LIFR: variants seen among roughly 807,000 people sequenced by gnomAD.
The protein encoded by LIFR is leukemia inhibitory factor receptor.
LIFR carries 84 observed loss-of-function variants against 122.2 expected under a neutral mutation model. The ratio of observed to expected loss-of-function variants is 0.69; its 90% CI spans 0.58 to 0.82. The LOEUF is 0.82. LIFR is among the 40% of genes least tolerant of loss of function. The probability of loss-of-function intolerance (pLI) is 0.00; values close to 1 mark genes in which losing one functional copy is unlikely to be tolerated. For synonymous variants in LIFR, 422 were observed against 434.7 expected (o/e 0.97, Z 0.36); for missense variants, 1,294 against 1,311.6 (o/e 0.99, Z 0.21).
intron 15 of LIFR, among the ~76,000 whole-genome samples, chr5:38,489,787 ATT>A (rs1744473636): frequency 6.7e-6 from 1 of 148,838 alleles, no homozygotes; most frequent in African/African-American, 2.5e-5. Context: ...GAGCCCAGGA[ATT>A]TTGAGACCAG....
intron 1 of LIFR, among the ~76,000 whole-genome samples, chr5:38,584,460 A>G (rs1367843222): frequency 6.6e-6 from 1 of 152,158 alleles, no homozygotes; most frequent in Non-Finnish European, 1.5e-5. Context: ...CAACAAATGA[A>G]TGGATAAAGA....
At chr5:38,521,630 G>C (rs1301518356) in intron 5 of LIFR, among the ~76,000 whole-genome samples, 1 of 152,206 alleles carries the variant, frequency 6.6e-6, no homozygotes, top group Admixed American at 6.5e-5. Context: ...CTGGTATTGA[G>C]AGTGGTGGGC....
chr5:38,481,742 G>A lies in LIFR; in HGVS notation c.3147C>T (p.Asp1049=), dbSNP rs755477526. ...CAAATGAGACAATCTCACTGTTGCT[G>A]TCTATGGATCTAGGAGAGTCTGGAG... The part of the protein sequence containing the change: ...LVSPDSPRSI[D]SNSEIVSFGS... Residue 1049 remains aspartate (D), a synonymous_variant, in exon 20 of 20, where the codon GAC becomes GAT. Transcript: ENST00000453190. The A allele has an allele frequency of 8.7e-6, 14 of 1,614,110 alleles. No individual in the cohort carries two copies. In the East Asian group the frequency reaches 1.3e-4, roughly 15 times the overall value.
chr5:38,481,584 C>T lies in LIFR; in HGVS notation c.*11G>A, dbSNP rs747346598. 9 of 1,613,884 alleles carry T rather than the reference C, an allele frequency of 5.6e-6. No individual in the cohort carries two copies. Among genetic ancestry groups the T allele is most frequent in the East Asian group, 4.5e-5 (2 of 44,898 alleles). Reference sequence around the variant, plus strand: ...ATTGAGATGGCTGACTGAAGTGACACGGTGACACTGTTAATCGTTTGGTTT... The same window carrying T: ...ATTGAGATGGCTGACTGAAGTGACATGGTGACACTGTTAATCGTTTGGTTT... On this transcript the variant is annotated 3_prime_UTR_variant, in exon 20 of 20. Coordinates refer to ENST00000453190, the MANE Select transcript of LIFR (RefSeq NM_001127671.2).
At chr5:38,581,860 A>C (rs1463273425) in intron 1 of LIFR, among the ~76,000 whole-genome samples, 1 of 152,162 alleles carries the variant, frequency 6.6e-6, no homozygotes, top group Non-Finnish European at 1.5e-5. Context: ...GATCTCGCAC[A>C]GTATCCTATA....
intron 12 of LIFR, among the ~76,000 whole-genome samples, chr5:38,498,809 A>G (rs1348016767): frequency 6.6e-6 from 1 of 152,208 alleles, no homozygotes; most frequent in Non-Finnish European, 1.5e-5. Context: ...TCTCAAAGCA[A>G]TGGAACTCAC....
intron 1 of LIFR, among the ~76,000 whole-genome samples, chr5:38,572,672 A>G (rs1184287612): frequency 1.3e-5 from 2 of 152,190 alleles, no homozygotes; most frequent in African/African-American, 4.8e-5. Context: ...TCAGGCAGTC[A>G]TTTCCAATCC....
intron 1 of LIFR, among the ~76,000 whole-genome samples, chr5:38,546,525 ACAAT>A: frequency 6.6e-6 from 1 of 152,234 alleles, no homozygotes. Flanking sequence ...TCACAGGATA[ACAAT>A]CAACTCCAGG....
chr5:38,587,760 G>C (rs538127038), intron 1 of LIFR, among the ~76,000 whole-genome samples: 9 of 152,318 alleles, frequency 5.9e-5, no homozygotes, highest in African/African-American at 2.2e-4. Context: ...CAGCGGGCTA[G>C]ATTCCCACCT....
Position 38,476,741 on chromosome 5 carries a change from T to C in LIFR, c.*4854A>G, listed in dbSNP as rs35853268. The C allele has an allele frequency of 0.067, 14,247 of 211,132 alleles. 672 individuals carry two copies. Among genetic ancestry groups the C allele is most frequent in the Non-Finnish European group, 0.099 (10,275 of 104,084 alleles). The allele number at this position is 211,132 out of a possible 1,614,324, so 13.1% of individuals were successfully genotyped here. ...GTTTTTCTTTTATAAGAGCTTTTGA[T>C]GTACTGTTTCTACGGTTCTTTAGGC... On this transcript the variant is annotated 3_prime_UTR_variant, in exon 20 of 20. Coordinates refer to ENST00000453190, the MANE Select transcript of LIFR (RefSeq NM_001127671.2).
chr5:38,541,111 A>T (rs1040344513), intron 1 of LIFR, among the ~76,000 whole-genome samples: 2 of 152,214 alleles, frequency 1.3e-5, no homozygotes, highest in Non-Finnish European at 2.9e-5. Context: ...TCAAAACAAC[A>T]ACTAAAATAA....
intron 18 of LIFR, 131 bp from the exon 19 acceptor site, chr5:38,482,798 T>C (rs1744067043): frequency 2.1e-6 from 1 of 472,076 alleles, no homozygotes; most frequent in Non-Finnish European, 3.7e-6. Context: ...AAATGGAAGA[T>C]CTTTAGTGTG....
At chr5:38,557,144 C>A (rs1191904405), upstream of LIFR, 1 of 152,280 alleles carries the variant, frequency 6.6e-6, no homozygotes, top group Non-Finnish European at 1.5e-5. Flanking sequence ...CCTAAACAGC[C>A]CAGGGCCGAG....
rs1744838054 is a variant in LIFR, at chr5:38,495,657, C to T, written c.1885+725G>A. ...GAGCTGTGGTTACAGAAAGGTGCTC[C>T]CATATCGGGGCAAGAGAGCAAAGGT... On this transcript the variant is annotated intron_variant, in intron 13 of 19. Coordinates refer to ENST00000453190, the MANE Select transcript of LIFR (RefSeq NM_001127671.2). Among the ~76,000 whole-genome samples the T allele has an allele frequency of 4.6e-5, 7 of 152,236 alleles. No homozygotes were observed. In the South Asian group the frequency reaches 1.5e-3, roughly 32 times the overall value.
chr5:38,600,279 G>A (rs907049537), upstream of LIFR, among the ~76,000 whole-genome samples: 2 of 152,136 alleles, frequency 1.3e-5, no homozygotes, highest in East Asian at 3.9e-4. Flanking sequence ...TGTACCCCAA[G>A]CACCTTGGAC....
chr5:38,605,943 C>T (rs867933278), intron 2 of LIFR, among the ~76,000 whole-genome samples: 3 of 152,204 alleles, frequency 2.0e-5, no homozygotes, highest in Admixed American at 1.3e-4. Flanking sequence ...TGTGCCCCGA[C>T]CACCTCGTCG....
Position 38,528,855 on chromosome 5 carries a change from CACACACACACACACACACACACAG to C in LIFR, c.143-39_143-16del, listed in dbSNP as rs1746843102. The C allele has an allele frequency of 2.4e-6, 2 of 837,006 alleles. No individual in the cohort carries two copies. The highest frequency in any genetic ancestry group is 1.7e-5 in the South Asian group (1 of 57,818). The allele number at this position is 837,006 out of a possible 1,614,324, so 51.8% of individuals were successfully genotyped here. A position where few individuals can be genotyped will look rare whatever the true frequency, so the allele number is the denominator to read the frequency against. On this transcript the variant is annotated splice_polypyrimidine_tract_variant and intron_variant, in intron 2 of 19. Coordinates refer to ENST00000453190, the MANE Select transcript of LIFR (RefSeq NM_001127671.2). ...ATGAGGAGCCCCTGGAGGAGACACA[CACACACACACACACACACACACAG>C]ACACACATAAACACAGAATATGCTG... is the stretch of plus-strand genomic sequence containing the variant.
intron 1 of LIFR, among the ~76,000 whole-genome samples, chr5:38,570,000 G>A (rs961077150): frequency 2.6e-5 from 4 of 152,030 alleles, no homozygotes; most frequent in Non-Finnish European, 5.9e-5. Flanking sequence ...TTCAGCCTTC[G>A]TCAATAGCTA....
upstream of LIFR, among the ~76,000 whole-genome samples, chr5:38,595,713 A>C (rs1750076279): frequency 6.6e-6 from 1 of 150,568 alleles, no homozygotes; most frequent in Admixed American, 6.7e-5. Flanking sequence ...GTAATCCTGA[A>C]AACCACAATA....
Sources: gnomAD v4.1 joint callset for allele counts (sites outside exome capture counted in the v4.1 genomes callset) on GRCh38, gnomAD v4.1.1 for gene constraint, MANE v1.5 for transcripts, NCBI Gene and HGNC (gene_info 2026-07-23, HGNC 2026-07-21) for gene names.